The following BLVRA variants were observed in gnomAD, a reference collection of about 807,000 sequenced individuals.
BLVRA encodes BVR A.
In BLVRA, 22 loss-of-function variants were observed where a neutral mutation model predicts 32.8. The observed-to-expected ratio is 0.67, with a 90% confidence interval of 0.48 to 0.96. BLVRA has a LOEUF of 0.96. Ranked by LOEUF, BLVRA falls within the 40% of genes least tolerant of loss-of-function variation. The pLI is 0.00. For missense variants in BLVRA, 323 were observed against 358.1 expected (o/e 0.90, Z 0.79); for synonymous variants, 119 against 141.3 (o/e 0.84, Z 1.12).
At chr7:43,774,883 T>C (rs1017859719) in intron 2 of BLVRA, among the ~76,000 whole-genome samples, 64 of 152,212 alleles carry the variant, frequency 4.2e-4, no homozygotes, top group African/African-American at 1.5e-3. Context: ...TCCTACCCAT[T>C]TTATTCTCTT....
chr7:43,769,591 G>A (rs1331856081), intron 1 of BLVRA, among the ~76,000 whole-genome samples: 3 of 151,816 alleles, frequency 2.0e-5, no homozygotes, highest in Non-Finnish European at 2.9e-5. Context: ...GGGAGTTGCC[G>A]AAAGCAGGCT....
chr7:43,803,461 G>T (rs1408631471), intron 6 of BLVRA, among the ~76,000 whole-genome samples: 2 of 152,162 alleles, frequency 1.3e-5, no homozygotes, highest in Non-Finnish European at 2.9e-5. Context: ...AACAGGAAAA[G>T]ACAGAGATGC....
chr7:43,786,700 T>C (rs774776139), intron 2 of BLVRA, among the ~76,000 whole-genome samples: 4 of 152,146 alleles, frequency 2.6e-5, no homozygotes, highest in Admixed American at 2.6e-4. Context: ...CACAGTGGGA[T>C]TAAATGAGAA....
chr7:43,771,893 C>A (rs978984416), intron 2 of BLVRA, among the ~76,000 whole-genome samples: 1 of 152,220 alleles, frequency 6.6e-6, no homozygotes, highest in African/African-American at 2.4e-5. Context: ...TCATCCCTCT[C>A]CCTAAGCTCT....
chr7:43,761,637 G>A (rs906761812), intron 1 of BLVRA, among the ~76,000 whole-genome samples: 7 of 152,128 alleles, frequency 4.6e-5, no homozygotes, highest in African/African-American at 1.7e-4. Context: ...CTGATTCTCA[G>A]TTATAGGGAA....
At chr7:43,802,158 C>T (rs1430576857) in intron 6 of BLVRA, among the ~76,000 whole-genome samples, 1 of 151,932 alleles carries the variant, frequency 6.6e-6, no homozygotes, top group African/African-American at 2.4e-5. Flanking sequence ...AACAAACAAA[C>T]AAAAAAGAAC....
At chr7:43,771,667 C>A (rs910444102) in intron 2 of BLVRA, among the ~76,000 whole-genome samples, 1 of 152,228 alleles carries the variant, frequency 6.6e-6, no homozygotes, top group South Asian at 2.1e-4. Flanking sequence ...GCTGTGCTGA[C>A]GCCCACTATG....
intron 5 of BLVRA, among the ~76,000 whole-genome samples, chr7:43,795,742 A>G (rs1373411917): frequency 6.6e-6 from 1 of 152,126 alleles, no homozygotes; most frequent in East Asian, 1.9e-4. Flanking sequence ...AAAGCAATAG[A>G]AAAAAATCAA....
chr7:43,803,736 C>T lies in BLVRA; in HGVS notation c.521C>T (p.Thr174Ile). 3 of 1,614,108 alleles carry T rather than the reference C, an allele frequency of 1.9e-6. No individual in the cohort carries two copies. The highest frequency in any genetic ancestry group is 2.5e-6 in the Non-Finnish European group (3 of 1,179,992). Residue 174 changes from threonine to isoleucine, a missense_variant, in exon 7 of 8, where the codon ACC becomes ATC. Physicochemically the swap from Thr to Ile is moderately conservative, Grantham distance 89. Transcript: ENST00000265523. ...FPAFSGISRL[T>I]WLVSLFGELS... ...GCATTCAGCGGCATCTCTCGCCTGA[C>T]CTGGCTGGTCTCCCTCTTTGGGGAG...
intron 1 of BLVRA, among the ~76,000 whole-genome samples, chr7:43,764,562 G>C (rs1305243990): frequency 1.3e-5 from 2 of 152,122 alleles, no homozygotes; most frequent in Non-Finnish European, 2.9e-5. Context: ...GCAGATAGGG[G>C]CTGGAAAGTG....
chr7:43,772,225 A>G (rs902806021), intron 2 of BLVRA, among the ~76,000 whole-genome samples: 1 of 152,212 alleles, frequency 6.6e-6, no homozygotes. Flanking sequence ...TGTTGGTTGC[A>G]TCCTAGGGCA....
intron 6 of BLVRA, 49 bp from the exon 7 acceptor site, chr7:43,803,627 C>A: frequency 6.4e-7 from 1 of 1,560,952 alleles, no homozygotes; most frequent in Non-Finnish European, 8.8e-7. Context: ...CTGCTTTCCA[C>A]TTGGCATTCC....
rs148470898 is a variant in BLVRA, at chr7:43,763,780, A to G, written c.-22+5046A>G. Among the ~76,000 whole-genome samples, 82 of 152,320 alleles carry G rather than the reference A, an allele frequency of 5.4e-4. 1 individual carries two copies. In the East Asian group the frequency reaches 5.8e-3, roughly 11 times the overall value. On this transcript the variant is annotated intron_variant, in intron 1 of 7. Transcript: ENST00000265523. Reference sequence around the variant, plus strand: ...CTGAGTGAATAGTTGAATATTTTATATAAGTCAAATTTATACGTAATGATT... The same window carrying G: ...CTGAGTGAATAGTTGAATATTTTATGTAAGTCAAATTTATACGTAATGATT...
rs1336164838 is a variant in BLVRA, at chr7:43,807,026, T to TA, written c.683dup (p.Tyr228Ter). Reference sequence around the variant, plus strand: ...AGGACCTGGTCTAAAACGAAACAGATATTTAAGCTTCCATTTCAAGTCTGG... The same window carrying TA: ...AGGACCTGGTCTAAAACGAAACAGATAATTTAAGCTTCCATTTCAAGTCTGG... ...EKGPGLKRNR[Y>*]LSFHFKSGSL... The change falls in exon 8 of 8, where the codon TAT (tyrosine) becomes TAAT (stop). Residue 228 changes from tyrosine to a stop codon, truncating the protein, a stop_gained and frameshift_variant. Transcript: ENST00000265523. LOFTEE classifies it high-confidence loss of function. 1 of 1,614,172 alleles carries TA rather than the reference T, an allele frequency of 6.2e-7. No homozygotes were observed.
intron 2 of BLVRA, among the ~76,000 whole-genome samples, chr7:43,777,615 T>C (rs547213725): frequency 1.2e-3 from 180 of 152,332 alleles, no homozygotes; most frequent in African/African-American, 4.2e-3. Context: ...CTGACAATTA[T>C]ATGTCTTGGA....
chr7:43,799,679 G>T (rs1265268695), intron 5 of BLVRA, among the ~76,000 whole-genome samples: 1 of 152,002 alleles, frequency 6.6e-6, no homozygotes, highest in Non-Finnish European at 1.5e-5. Flanking sequence ...TTGCCATGTT[G>T]CCCAGGCTGG....
intron 5 of BLVRA, among the ~76,000 whole-genome samples, chr7:43,794,891 AT>A (rs373304731): frequency 2.0e-5 from 3 of 152,150 alleles, no homozygotes; most frequent in African/African-American, 7.2e-5. Flanking sequence ...TTTGTATGTG[AT>A]TGAGTTAAGT....
chr7:43,782,832 A>T (rs2095771655), intron 2 of BLVRA, among the ~76,000 whole-genome samples: 1 of 152,210 alleles, frequency 6.6e-6, no homozygotes, highest in African/African-American at 2.4e-5. Flanking sequence ...CTCATGTCTG[A>T]AGTCCAGGAG....
At chr7:43,781,492 T>C (rs2095769399) in intron 2 of BLVRA, among the ~76,000 whole-genome samples, 1 of 151,970 alleles carries the variant, frequency 6.6e-6, no homozygotes, top group South Asian at 2.1e-4. Context: ...ATTATAGGAG[T>C]GGGCCACCAC....
Sources: gnomAD v4.1 joint callset for allele counts (sites outside exome capture counted in the v4.1 genomes callset) on GRCh38, gnomAD v4.1.1 for gene constraint, MANE v1.5 for transcripts, NCBI Gene and HGNC (gene_info 2026-07-23, HGNC 2026-07-21) for gene names.